EPB41L4B: variants seen among roughly 807,000 people sequenced by gnomAD.
EPB41L4B encodes the protein erythrocyte membrane protein band 4.1 like 4B, also known as band 4.1-like protein 4B.
In EPB41L4B, 30 loss-of-function variants were observed where a neutral mutation model predicts 112.5. That is an observed-to-expected ratio of 0.27 (90% CI 0.20 to 0.36). EPB41L4B has a LOEUF of 0.36. EPB41L4B is among the 10% of genes least tolerant of loss of function. EPB41L4B has a pLI of 1.00. For synonymous variants in EPB41L4B, 408 were observed against 439.7 expected, an observed-to-expected ratio of 0.93 and a Z score of 0.90; for missense variants, 1,024 against 1,133.3, an observed-to-expected ratio of 0.90 and a Z score of 1.38.
chr9:109,256,091 C>T, intron 9 of EPB41L4B, 45 bp downstream of exon 9: 1 of 1,549,124 alleles, frequency 6.5e-7, no homozygotes, highest in South Asian at 1.1e-5. Context: ...AATTCCACCA[C>T]AAAATAGGAA....
intron 15 of EPB41L4B, among the ~76,000 whole-genome samples, chr9:109,219,178 G>A (rs1267489163): frequency 6.6e-6 from 1 of 152,134 alleles, no homozygotes; most frequent in Non-Finnish European, 1.5e-5. Flanking sequence ...CTTGAGCCTG[G>A]CCAATCAGAG....
In EPB41L4B at chr9:109,253,457, T is replaced by C. The variant is rs747176707; in HGVS notation, c.1263A>G (p.Arg421=). 1.2e-6 allele frequency: 2 copies of C among 1,612,122 alleles called. No individual in the cohort carries two copies. Among genetic ancestry groups the C allele is most frequent in the South Asian group, 1.1e-5 (1 of 90,862 alleles). The change falls in exon 12 of 26, where the codon AGA becomes AGG. Residue 421 remains arginine (R), a synonymous_variant. Coordinates refer to ENST00000374566, the MANE Select transcript of EPB41L4B (RefSeq NM_019114.5). ...RKPSKRYPSR[R]HSTFKASNPV... is the part of the protein sequence containing the mutation. Reference sequence around the variant, plus strand: ...ACACACAACCTTTGAACGTTGAATGTCTCCGGGATGGATAACGTTTACTAG... The same window carrying C: ...ACACACAACCTTTGAACGTTGAATGCCTCCGGGATGGATAACGTTTACTAG...
chr9:109,255,464 G>A (rs759452775), intron 11 of EPB41L4B, 47 bp downstream of exon 11: 10 of 1,599,408 alleles, frequency 6.3e-6, no homozygotes, highest in African/African-American at 2.7e-5. Context: ...AATCACAGTT[G>A]CCCTCCTTCA....
At chr9:109,198,588 C>T (rs990190007) in intron 20 of EPB41L4B, among the ~76,000 whole-genome samples, 8 of 152,120 alleles carry the variant, frequency 5.3e-5, no homozygotes, top group African/African-American at 1.7e-4. Context: ...GGGCACAGTA[C>T]CCATGCCATA....
At chr9:109,312,432 G>A (rs528255986) in intron 1 of EPB41L4B, among the ~76,000 whole-genome samples, 113 of 152,142 alleles carry the variant, frequency 7.4e-4, no homozygotes, top group African/African-American at 2.6e-3. Context: ...ATCCCAAGTG[G>A]CCTACAAAGG....
chr9:109,296,515 G>A (rs77444353), intron 1 of EPB41L4B, among the ~76,000 whole-genome samples: 10,882 of 152,192 alleles, frequency 0.072, 596 homozygotes, highest in Non-Finnish European at 0.097. Flanking sequence ...ATTTAACAGG[G>A]TTTGGCCTGG....
chr9:109,226,634 A>AAT lies in EPB41L4B; in HGVS notation c.1410-9491_1410-9490dup, dbSNP rs879781420. Among the ~76,000 whole-genome samples the AAT allele has an allele frequency of 7.9e-4, 93 of 117,028 alleles. 1 individual carries two copies. The highest frequency in any genetic ancestry group is 1.2e-3 in the Non-Finnish European group (68 of 56,558). The allele number at this position is 117,028 out of a possible 152,430, so 76.8% of individuals were successfully genotyped here. A position where few individuals can be genotyped will look rare whatever the true frequency, so the allele number is the denominator to read the frequency against. On this transcript the variant is annotated intron_variant, in intron 15 of 25. Transcript: ENST00000374566. ...TATATATATATATATATATATGAAG[A>AAT]ATATATATATATATGAAGAATATAT...
At chr9:109,208,198 T>A in intron 17 of EPB41L4B, 149 bp from the exon 18 acceptor site, 1 of 921,564 alleles carries the variant, frequency 1.1e-6, no homozygotes, top group Non-Finnish European at 1.6e-6. Context: ...ATCTGTGCTT[T>A]ACTATTTGCA....
At chr9:109,268,060 CCT>C (rs1369856870) in intron 3 of EPB41L4B, among the ~76,000 whole-genome samples, 1 of 152,198 alleles carries the variant, frequency 6.6e-6, no homozygotes, top group African/African-American at 2.4e-5. Flanking sequence ...ACTCTCTCAT[CCT>C]CTGAGTCTAT....
Position 109,256,421 on chromosome 9 carries a change from A to C in EPB41L4B, c.812T>G (p.Met271Arg), listed in dbSNP as rs1219256956. ...GACAACGTGCATGTCTACCCCATAC[A>C]TTTCCAGCCACTTCGCTTTATTCAG... ...SYLNKAKWLEMYGVDMHVVRG... is the reference protein window; with the variant it reads ...SYLNKAKWLERYGVDMHVVRG... Residue 271 changes from methionine (M) to arginine (R), a missense_variant, in exon 8 of 26, where the codon ATG becomes AGG. Transcript: ENST00000374566. The C allele has an allele frequency of 6.2e-7, 1 of 1,614,176 alleles. No homozygotes were observed. The highest frequency in any genetic ancestry group is 8.5e-7 in the Non-Finnish European group (1 of 1,180,030).
In EPB41L4B at chr9:109,213,807, C is replaced by T. The variant is rs1163025290; in HGVS notation, c.1645G>A (p.Gly549Arg). Reference sequence around the variant, plus strand: ...GCTTCACTGAACAAGGCAGGTGTTCCTGGACTCAGTTCTACAAAGCAGCCA... The same window carrying T: ...GCTTCACTGAACAAGGCAGGTGTTCTTGGACTCAGTTCTACAAAGCAGCCA... ...SSKSLTKLSP[G>R]TPALFSEAAA... The change falls in exon 17 of 26, where the codon GGA becomes AGA. Residue 549 changes from glycine to arginine, a missense_variant. Physicochemically the swap from Gly to Arg is moderately radical, Grantham distance 125. Transcript: ENST00000374566. 6.8e-6 allele frequency: 11 copies of T among 1,613,870 alleles called. No homozygotes were observed. Among genetic ancestry groups the T allele is most frequent in the Non-Finnish European group, 8.5e-7 (1 of 1,179,896 alleles).
At chr9:109,220,684 T>A (rs1461793934) in intron 15 of EPB41L4B, among the ~76,000 whole-genome samples, 1 of 152,142 alleles carries the variant, frequency 6.6e-6, no homozygotes, top group Admixed American at 6.5e-5. Context: ...ATGAGCTGCA[T>A]CTCTGACCCA....
At chr9:109,237,825 C>A (rs1406883303) in intron 15 of EPB41L4B, among the ~76,000 whole-genome samples, 2 of 151,994 alleles carry the variant, frequency 1.3e-5, no homozygotes, top group African/African-American at 4.8e-5. Flanking sequence ...GGTTACCAGG[C>A]CACACTGGTG....
intron 15 of EPB41L4B, among the ~76,000 whole-genome samples, chr9:109,235,958 A>T (rs1426605699): frequency 6.6e-6 from 1 of 152,240 alleles, no homozygotes; most frequent in Non-Finnish European, 1.5e-5. Context: ...ATCGTGTGAG[A>T]TTCCAAAGCT....
chr9:109,295,217 G>A (rs1306907886), intron 1 of EPB41L4B, among the ~76,000 whole-genome samples: 1 of 152,090 alleles, frequency 6.6e-6, no homozygotes, highest in African/African-American at 2.4e-5. Context: ...CAGACACCAC[G>A]TCCTTTTACA....
At chr9:109,181,766 A>G (rs1832063067) in intron 24 of EPB41L4B, among the ~76,000 whole-genome samples, 1 of 152,226 alleles carries the variant, frequency 6.6e-6, no homozygotes, top group South Asian at 2.1e-4. Context: ...AAGAATTGAA[A>G]ACAGGTGTTC....
Position 109,248,774 on chromosome 9 carries a change from T to C in EPB41L4B, c.1311-985A>G, listed in dbSNP as rs186029544. Among the ~76,000 whole-genome samples the C allele has an allele frequency of 1.7e-3, 256 of 151,978 alleles. 1 individual carries two copies. Among genetic ancestry groups the C allele is most frequent in the Non-Finnish European group, 3.2e-4 (22 of 67,970 alleles). Reference sequence around the variant, plus strand: ...AGATCTTAAATGCTAAATATATATATATAGGCCGGGCGTGGTAGCTCACAC... The same window carrying C: ...AGATCTTAAATGCTAAATATATATACATAGGCCGGGCGTGGTAGCTCACAC... On this transcript the variant is annotated intron_variant, in intron 13 of 25. Transcript: ENST00000374566.
intron 15 of EPB41L4B, chr9:109,241,225 T>A (rs1329441994): frequency 2.9e-5 from 29 of 986,692 alleles, no homozygotes; most frequent in Non-Finnish European, 3.2e-5. Flanking sequence ...GAAAATGAGG[T>A]CAATGAAGGG....
At chr9:109,268,312 CAT>C in intron 3 of EPB41L4B, 77 bp downstream of exon 3, 2 of 1,308,430 alleles carry the variant, frequency 1.5e-6, no homozygotes, top group South Asian at 1.4e-5. Flanking sequence ...CTAATGAAAA[CAT>C]AACACCTCAA....
Sources: gnomAD v4.1 joint callset for allele counts (sites outside exome capture counted in the v4.1 genomes callset) on GRCh38, gnomAD v4.1.1 for gene constraint, MANE v1.5 for transcripts, NCBI Gene and HGNC (gene_info 2026-07-23, HGNC 2026-07-21) for gene names.